The following ALDH1A2 variants were observed in gnomAD, a reference collection of about 807,000 sequenced individuals.
ALDH1A2 encodes the protein aldehyde dehydrogenase 1 family member A2.
ALDH1A2 carries 27 observed loss-of-function variants against 60.3 expected under a neutral mutation model. That is an observed-to-expected ratio of 0.45 (90% confidence interval 0.33 to 0.62). The LOEUF (loss-of-function observed/expected upper bound fraction) is 0.62. Ranked by LOEUF, ALDH1A2 falls within the 20% of genes least tolerant of loss-of-function variation. ALDH1A2 has a pLI of 0.02. For missense variants in ALDH1A2, 581 were observed against 643.8 expected, an observed-to-expected ratio of 0.90 and a Z score of 1.06; for synonymous variants, 289 against 232.4, an observed-to-expected ratio of 1.24 and a Z score of -2.21.
intron 1 of ALDH1A2, chr15:58,036,456 A>G (rs2032517464): frequency 2.6e-5 from 4 of 151,670 alleles, no homozygotes; most frequent in Admixed American, 2.6e-4. Context: ...TGTCTAAAGA[A>G]GAGTTATGGC....
intron 4 of ALDH1A2, among the ~76,000 whole-genome samples, chr15:58,004,402 G>T (rs1057098444): frequency 6.6e-6 from 1 of 151,742 alleles, no homozygotes; most frequent in Admixed American, 6.6e-5. Flanking sequence ...TGAGCCTTGG[G>T]CTTCTAGTGC....
At chr15:58,043,100 G>A (rs1896558149) in intron 1 of ALDH1A2, among the ~76,000 whole-genome samples, 1 of 151,960 alleles carries the variant, frequency 6.6e-6, no homozygotes, top group South Asian at 2.1e-4. Flanking sequence ...TATGTGGCAA[G>A]TCACTCAGCT....
At chr15:58,013,832 A>C in intron 3 of ALDH1A2, 26 bp downstream of exon 3, 1 of 1,614,034 alleles carries the variant, frequency 6.2e-7, no homozygotes, top group Non-Finnish European at 8.5e-7. Context: ...TGGGTTAAAG[A>C]CTTAATGTTT....
chr15:57,990,925 A>G (rs1328191217), intron 7 of ALDH1A2, among the ~76,000 whole-genome samples: 2 of 151,936 alleles, frequency 1.3e-5, no homozygotes, highest in African/African-American at 4.8e-5. Context: ...GACTGACTCA[A>G]TCAGGACCAT....
At chr15:58,010,497 G>T (rs1300545082) in intron 4 of ALDH1A2, 152 bp downstream of exon 4, 4 of 862,628 alleles carry the variant, frequency 4.6e-6, no homozygotes, top group Non-Finnish European at 7.1e-6. Context: ...GTCAGAGTCA[G>T]TGACATAATT....
intron 7 of ALDH1A2, among the ~76,000 whole-genome samples, chr15:57,972,663 T>C (rs1283723824): frequency 6.6e-6 from 1 of 152,188 alleles, no homozygotes; most frequent in African/African-American, 2.4e-5. Context: ...TCTTCAGTCT[T>C]CAAGTTTTAA....
intron 4 of ALDH1A2, among the ~76,000 whole-genome samples, chr15:58,002,898 G>C (rs191701110): frequency 1.3e-5 from 2 of 151,840 alleles, no homozygotes; most frequent in South Asian, 4.1e-4. Context: ...TCATGTTGAC[G>C]TTGAACAGAC....
At chr15:58,001,524 G>T (rs1895270325) in intron 4 of ALDH1A2, among the ~76,000 whole-genome samples, 1 of 151,828 alleles carries the variant, frequency 6.6e-6, no homozygotes, top group Non-Finnish European at 1.5e-5. Context: ...TTTCATCTAG[G>T]CAGAGCCAAC....
At chr15:58,027,157 C>T (rs1288044604) in intron 1 of ALDH1A2, among the ~76,000 whole-genome samples, 1 of 152,134 alleles carries the variant, frequency 6.6e-6, no homozygotes, top group Non-Finnish European at 1.5e-5. Flanking sequence ...AGGCAGGTGC[C>T]CCTCTGAGAT....
At chr15:58,035,892 T>C (rs1443902177) in intron 1 of ALDH1A2, among the ~76,000 whole-genome samples, 1 of 151,686 alleles carries the variant, frequency 6.6e-6, no homozygotes, top group African/African-American at 2.4e-5. Context: ...ATGCTGGACA[T>C]AGATTTATTT....
At chr15:58,021,604 C>T (rs924969982) in intron 1 of ALDH1A2, among the ~76,000 whole-genome samples, 1 of 152,238 alleles carries the variant, frequency 6.6e-6, no homozygotes, top group Non-Finnish European at 1.5e-5. Context: ...GAACTTAACA[C>T]TGGGCCCCAC....
intron 1 of ALDH1A2, among the ~76,000 whole-genome samples, chr15:58,022,657 C>T (rs1337042739): frequency 6.6e-6 from 1 of 152,174 alleles, no homozygotes; most frequent in African/African-American, 2.4e-5. Flanking sequence ...AAAGACTGGC[C>T]TACCTGGCAT....
chr15:58,034,974 C>A (rs937146536), intron 1 of ALDH1A2, among the ~76,000 whole-genome samples: 2 of 151,570 alleles, frequency 1.3e-5, no homozygotes, highest in Non-Finnish European at 3.0e-5. Flanking sequence ...ATTAGGGTAA[C>A]GATGGCCTCA....
chr15:57,983,357 G>C (rs1894579974), intron 7 of ALDH1A2, among the ~76,000 whole-genome samples: 1 of 152,144 alleles, frequency 6.6e-6, no homozygotes, highest in Non-Finnish European at 1.5e-5. Context: ...GGTCCTCACA[G>C]CTAGCATTCC....
intron 7 of ALDH1A2, among the ~76,000 whole-genome samples, chr15:57,979,299 T>A (rs1894395271): frequency 6.6e-6 from 1 of 152,202 alleles, no homozygotes. Context: ...AAAATGTATT[T>A]TTCTTTTGTT....
intron 4 of ALDH1A2, 137 bp from the exon 5 acceptor site, chr15:57,995,276 T>C (rs1895019269): frequency 1.5e-6 from 1 of 689,552 alleles, no homozygotes; most frequent in Non-Finnish European, 2.5e-6. Context: ...TACTCAACCG[T>C]GCATGAAAGC....
At chr15:58,033,421 A>G (rs1896295437) in intron 1 of ALDH1A2, among the ~76,000 whole-genome samples, 1 of 151,730 alleles carries the variant, frequency 6.6e-6, no homozygotes, top group African/African-American at 2.4e-5. Context: ...ACTGCCTTCT[A>G]TTGGTTTGGA....
chr15:58,025,304 A>T (rs1359639572), intron 1 of ALDH1A2, among the ~76,000 whole-genome samples: 1 of 152,192 alleles, frequency 6.6e-6, no homozygotes, highest in African/African-American at 2.4e-5. Context: ...TAACCTAAAA[A>T]GGAGAAGAAT....
chr15:57,955,217 T>C lies in ALDH1A2; in HGVS notation c.1537A>G (p.Ile513Val). 1 of 1,614,076 alleles carries C rather than the reference T, an allele frequency of 6.2e-7. No individual in the cohort carries two copies. The highest frequency in any genetic ancestry group is 1.1e-5 in the South Asian group (1 of 91,072). The change falls in exon 13 of 13, where the codon ATC (isoleucine) becomes GTC (valine). Residue 513 changes from isoleucine to valine, a missense_variant. Transcript: ENST00000249750. ...YSEVKTVTVK[I>V]PQKNS ...CCTTCTTAGGAGTTCTTCTGGGGGATCTTTACTGTCACCGTCTTAACTTCT... is the reference window on the plus strand; with the variant it reads ...CCTTCTTAGGAGTTCTTCTGGGGGACCTTTACTGTCACCGTCTTAACTTCT...
Sources: allele counts gnomAD v4.1 joint callset (sites outside exome capture counted in the v4.1 genomes callset), GRCh38; gene constraint gnomAD v4.1.1; transcripts MANE v1.5; gene names NCBI Gene and HGNC (gene_info 2026-07-23, HGNC 2026-07-21).